RPH3AL: variants seen among roughly 807,000 people sequenced by gnomAD.
The protein encoded by RPH3AL is rab effector Noc2.
Under a neutral mutation model 43.1 loss-of-function variants are expected in RPH3AL, and 38 were observed. That is an observed-to-expected ratio of 0.88 (90% CI 0.68 to 1.15). The LOEUF is 1.15. Ranked by LOEUF, RPH3AL falls within the 50% of genes most tolerant of loss-of-function variation. The probability of loss-of-function intolerance (pLI) is 0.00; values close to 1 mark genes in which losing one functional copy is unlikely to be tolerated. For synonymous variants in RPH3AL, 189 were observed against 176.3 expected, an observed-to-expected ratio of 1.07 and a Z score of -0.57; for missense variants, 462 against 423.2, an observed-to-expected ratio of 1.09 and a Z score of -0.81.
Position 225,722 on chromosome 17 carries a change from C to T in RPH3AL, c.614-5986G>A, listed in dbSNP as rs2041092825. Among the ~76,000 whole-genome samples the T allele has an allele frequency of 6.6e-6, 1 of 152,220 alleles. No individual in the cohort carries two copies. The highest frequency in any genetic ancestry group is 2.4e-5 in the African/African-American group (1 of 41,450). ...TGGGAGGTCTAGTCATGCTTCCTGA[C>T]TTGGAATGTCCCATCTCCCCCACAG... On this transcript the variant is annotated intron_variant, in intron 7 of 9. Coordinates refer to ENST00000331302, the MANE Select transcript of RPH3AL (RefSeq NM_006987.4). The surrounding 1 kb of genome is among the most constrained non-coding windows in gnomAD (Gnocchi z 4.4).
At chr17:327,351 G>A (rs1272396839) in intron 3 of RPH3AL, 116 bp downstream of exon 3, 2 of 897,804 alleles carry the variant, frequency 2.2e-6, no homozygotes, top group African/African-American at 1.6e-5. Context: ...GCATCCGACA[G>A]GCACCTCTCT....
intron 6 of RPH3AL, among the ~76,000 whole-genome samples, chr17:270,621 A>G (rs2042439303): frequency 6.6e-6 from 1 of 152,120 alleles, no homozygotes; most frequent in African/African-American, 2.4e-5. Context: ...CAGCAGAGGC[A>G]GGAGGATTGG....
intron 6 of RPH3AL, among the ~76,000 whole-genome samples, chr17:262,666 G>A (rs1397106976): frequency 6.6e-6 from 1 of 152,158 alleles, no homozygotes; most frequent in East Asian, 1.9e-4. Context: ...CTGTGACCCA[G>A]CTCTTGCAGG....
intron 7 of RPH3AL, chr17:234,378 C>T (rs28608839): frequency 0.12 from 8,580 of 69,164 alleles, 198 homozygotes; most frequent in South Asian, 0.19. Flanking sequence ...CCAACTTCCC[C>T]GAGCAGGGAG....
chr17:327,013 T>TC (rs1204344677), intron 3 of RPH3AL, among the ~76,000 whole-genome samples: 1 of 152,170 alleles, frequency 6.6e-6, no homozygotes, highest in African/African-American at 2.4e-5. Context: ...AGACTTTTGT[T>TC]CCCCCGTCTG....
At chr17:230,812 C>T (rs11150889) in intron 7 of RPH3AL, among the ~76,000 whole-genome samples, 89,133 of 151,984 alleles carry the variant, frequency 0.59, 26,211 homozygotes, top group Non-Finnish European at 0.59. Flanking sequence ...CACTGTTCTT[C>T]CACCTCATCT....
intron 2 of RPH3AL, 21 bp from the exon 3 acceptor site, chr17:327,600 CG>C: frequency 6.6e-7 from 1 of 1,525,444 alleles, no homozygotes; most frequent in Non-Finnish European, 9.1e-7. Flanking sequence ...GGAGGGAAGA[CG>C]AAAGAGTGTG....
chr17:335,423 G>A (rs1030109128), intron 1 of RPH3AL, among the ~76,000 whole-genome samples: 2 of 152,046 alleles, frequency 1.3e-5, no homozygotes, highest in Admixed American at 6.5e-5. Context: ...GGGGTGGCTG[G>A]TGCCCTCTGA....
chr17:300,612 T>C (rs1157942755), intron 5 of RPH3AL, among the ~76,000 whole-genome samples: 1 of 111,646 alleles, frequency 9.0e-6, no homozygotes, highest in Admixed American at 8.4e-5. Flanking sequence ...TGGCCCAGCC[T>C]AGACCTGCAG....
intron 6 of RPH3AL, among the ~76,000 whole-genome samples, chr17:253,569 C>T (rs185233298): frequency 2.6e-5 from 4 of 152,116 alleles, no homozygotes; most frequent in Non-Finnish European, 5.9e-5. Context: ...ACCTGAAGTG[C>T]AACCCATCTC....
intron 1 of RPH3AL, among the ~76,000 whole-genome samples, chr17:342,965 T>G (rs986783642): frequency 2.0e-5 from 3 of 152,252 alleles, no homozygotes; most frequent in African/African-American, 7.2e-5. Flanking sequence ...AATCCAAATG[T>G]CAGGCATGTA....
intron 7 of RPH3AL, among the ~76,000 whole-genome samples, chr17:239,897 G>A (rs1567574387): frequency 6.6e-6 from 1 of 152,136 alleles, no homozygotes; most frequent in Admixed American, 6.5e-5. Flanking sequence ...CCAAAATGCT[G>A]GGATTACAGG....
At chr17:262,300 C>G (rs1294099233) in intron 6 of RPH3AL, among the ~76,000 whole-genome samples, 1 of 152,058 alleles carries the variant, frequency 6.6e-6, no homozygotes, top group Non-Finnish European at 1.5e-5. Context: ...CTCACTGCAA[C>G]CTCCGCCTCC....
At position 321,347 on chromosome 17, in the gene RPH3AL, G is replaced by C. The variant is rs531144468; in HGVS notation, c.146C>G (p.Pro49Arg). Residue 49 changes from proline (P) to arginine (R), a missense_variant, in exon 4 of 10, where the codon CCG becomes CGG. Pro to Arg is a moderately radical substitution (Grantham distance 103, BLOSUM62 -2). Transcript: ENST00000331302. ...CTGCAGGATGGCCTCCACCTCCGCC[G>C]GGCTGAGGTGCTGCTTCCTCCTCTG... The part of the protein sequence containing the change: ...EKQRRKQHLS[P>R]AEVEAILQVI... The C allele has an allele frequency of 1.9e-6, 3 of 1,611,516 alleles. No individual in the cohort carries two copies. Among genetic ancestry groups the C allele is most frequent in the Non-Finnish European group, 2.5e-6 (3 of 1,179,872 alleles).
At chr17:259,456 C>G (rs782802106) in intron 6 of RPH3AL, among the ~76,000 whole-genome samples, 1 of 152,218 alleles carries the variant, frequency 6.6e-6, no homozygotes, top group Non-Finnish European at 1.5e-5. Flanking sequence ...AACTTCTGCT[C>G]TGTGCATCTG....
At chr17:285,951 C>T (rs1444677110) in intron 5 of RPH3AL, among the ~76,000 whole-genome samples, 2 of 152,220 alleles carry the variant, frequency 1.3e-5, no homozygotes, top group Admixed American at 6.5e-5. Flanking sequence ...GGGGCACAGG[C>T]CTGGCGTGAC....
chr17:315,377 G>A (rs28366901), intron 5 of RPH3AL, among the ~76,000 whole-genome samples: 17,916 of 119,702 alleles, frequency 0.15, 2 homozygotes, highest in Non-Finnish European at 0.2. Context: ...TGTAGTCCCT[G>A]TGCCCCACCT....
intron 5 of RPH3AL, among the ~76,000 whole-genome samples, chr17:302,898 GAGA>G (rs923406022): frequency 7.9e-5 from 12 of 152,248 alleles, no homozygotes; most frequent in African/African-American, 2.7e-4. Flanking sequence ...GAGAAGGTGG[GAGA>G]AGGACAAACA....
chr17:305,745 G>A (rs889186256), intron 5 of RPH3AL, among the ~76,000 whole-genome samples: 29 of 152,020 alleles, frequency 1.9e-4, no homozygotes, highest in African/African-American at 6.8e-4. Context: ...TTCTCTCCCA[G>A]GTTACTCACA....
Sources: allele counts gnomAD v4.1 joint callset (sites outside exome capture counted in the v4.1 genomes callset), GRCh38; gene constraint gnomAD v4.1.1; non-coding constraint Gnocchi (gnomAD v3.1); transcripts MANE v1.5; gene names NCBI Gene and HGNC (gene_info 2026-07-23, HGNC 2026-07-21).